LAMP1: variants seen among roughly 807,000 people sequenced by gnomAD.
LAMP1 encodes lysosome-associated membrane glycoprotein 1.
LAMP1 carries 7 observed loss-of-function variants against 37.5 expected under a neutral mutation model. The observed-to-expected ratio is 0.19, with a 90% CI of 0.11 to 0.35. LAMP1 has a LOEUF of 0.35. LAMP1 is among the 10% of genes least tolerant of loss of function. LAMP1 has a pLI of 1.00. For missense variants in LAMP1, 537 were observed against 552.8 expected (o/e 0.97, Z 0.29); for synonymous variants, 236 against 229.1 (o/e 1.03, Z -0.27).
At chr13:113,305,877 A>G (rs2042595691) in intron 1 of LAMP1, 1 of 152,408 alleles carries the variant, frequency 6.6e-6, no homozygotes, top group Non-Finnish European at 1.5e-5. Flanking sequence ...GCCTAGGATG[A>G]TGCAGAAATT....
intron 4 of LAMP1, among the ~76,000 whole-genome samples, chr13:113,311,674 A>ACCT (rs2042631721): frequency 6.6e-6 from 1 of 152,162 alleles, no homozygotes; most frequent in African/African-American, 2.4e-5. Flanking sequence ...GGTCCAGGCC[A>ACCT]CCTCCTAGCC....
rs1186733673 is a variant in LAMP1, at chr13:113,322,655, CA to C, written c.*237del. The C allele has an allele frequency of 5.6e-6, 1 of 178,096 alleles. No homozygotes were observed. The highest frequency in any genetic ancestry group is 2.5e-5 in the African/African-American group (1 of 39,508). 11.0% of individuals were successfully genotyped at this position (178,096 alleles called of 1,614,324 possible). A position where few individuals can be genotyped will look rare whatever the true frequency, so the allele number is the denominator to read the frequency against. ...TAACTGGTTAAACATTAATATTTAC[CA>C]AAGTAGGATTTTGAGGGTGGGGGTG... is the stretch of plus-strand genomic sequence containing the variant. On this transcript the variant is annotated 3_prime_UTR_variant, in exon 9 of 9. Coordinates refer to ENST00000332556, the MANE Select transcript of LAMP1 (RefSeq NM_005561.4).
chr13:113,320,678 C>A lies in LAMP1; in HGVS notation c.876+208C>A. ...GATGCAGCAGATGATGTGGGCGGGG[C>A]TGCTGTGCCCACAGTTGGAGTGGCT... On this transcript the variant is annotated intron_variant, in intron 6 of 8. Coordinates refer to ENST00000332556, the MANE Select transcript of LAMP1 (RefSeq NM_005561.4). The surrounding 1 kb of genome is among the most constrained non-coding windows in gnomAD (Gnocchi z 4.4). 1.7e-6 allele frequency: 1 copy of A among 577,730 alleles called. No homozygotes were observed. 35.8% of individuals were successfully genotyped at this position (577,730 alleles called of 1,614,324 possible). A position where few individuals can be genotyped will look rare whatever the true frequency, so the allele number is the denominator to read the frequency against.
At chr13:113,301,480 G>A (rs941516995) in intron 1 of LAMP1, among the ~76,000 whole-genome samples, 8 of 151,520 alleles carry the variant, frequency 5.3e-5, no homozygotes, top group African/African-American at 7.3e-5. Flanking sequence ...AAAATTAGTC[G>A]GGCATGGTGG....
intron 1 of LAMP1, among the ~76,000 whole-genome samples, chr13:113,303,215 C>T (rs774633115): frequency 3.9e-5 from 6 of 152,216 alleles, no homozygotes; most frequent in Non-Finnish European, 8.8e-5. Flanking sequence ...GGTTGCACAG[C>T]TAGTAAGTGC....
At position 113,322,367 on chromosome 13, in the gene LAMP1, C is replaced by G; in HGVS notation, c.1200C>G (p.Leu400=). Residue 400 remains leucine, a synonymous_variant, in exon 9 of 9, where the codon CTC becomes CTG. Transcript: ENST00000332556. ...GALAGLVLIV[L]IAYLVGRKRS... ...TGGCGGGGCTGGTCCTCATCGTCCT[C>G]ATCGCCTACCTCGTCGGCAGGAAGA... 1 of 1,613,804 alleles carries G rather than the reference C, an allele frequency of 6.2e-7. No individual in the cohort carries two copies. The highest frequency in any genetic ancestry group is 8.5e-7 in the Non-Finnish European group (1 of 1,179,864).
In LAMP1 at chr13:113,320,300, G is replaced by A. The variant is rs199690220; in HGVS notation, c.751-45G>A. On this transcript the variant is annotated intron_variant, in intron 5 of 8. Transcript: ENST00000332556. This position sits in a 1 kb window ranked among gnomAD's most constrained non-coding sequence, Gnocchi z 4.4. Reference sequence around the variant, plus strand: ...GACTGTTTGTCTTTTCGAGAGTGTGGAGGACCTGAGCTAGGGTGGTGACTT... The same window carrying A: ...GACTGTTTGTCTTTTCGAGAGTGTGAAGGACCTGAGCTAGGGTGGTGACTT... 403 of 1,611,656 alleles carry A rather than the reference G, an allele frequency of 2.5e-4. No individual in the cohort carries two copies. The highest frequency in any genetic ancestry group is 4.0e-4 in the Admixed American group (24 of 59,946).
At position 113,323,298 on chromosome 13, in the gene LAMP1, G is replaced by C. The variant is rs1231366640; in HGVS notation, c.*877G>C. 1 of 152,124 alleles carries C rather than the reference G, an allele frequency of 6.6e-6. No individual in the cohort carries two copies. Among genetic ancestry groups the C allele is most frequent in the Non-Finnish European group, 1.5e-5 (1 of 68,036 alleles). The allele number at this position is 152,124 out of a possible 1,614,324, so 9.4% of individuals were successfully genotyped here. A position where few individuals can be genotyped will look rare whatever the true frequency, so the allele number is the denominator to read the frequency against. ...TTCTGTTGACATTCGGGGTGATCCT[G>C]TTCTGCGCTGTGTACAATGTGAGAT... On this transcript the variant is annotated 3_prime_UTR_variant, in exon 9 of 9. Coordinates refer to ENST00000332556, the MANE Select transcript of LAMP1 (RefSeq NM_005561.4).
chr13:113,322,175 G>T, intron 8 of LAMP1, 107 bp from the exon 9 acceptor site: 1 of 1,285,830 alleles, frequency 7.8e-7, no homozygotes. Flanking sequence ...CCTTCCGCCA[G>T]GGTTCCTCTT....
chr13:113,300,413 G>T (rs531836343), intron 1 of LAMP1, among the ~76,000 whole-genome samples: 10 of 150,590 alleles, frequency 6.6e-5, no homozygotes, highest in Non-Finnish European at 1.2e-4. Context: ...TTGAACCTGG[G>T]AGGCAGGGGT....
At chr13:113,301,641 AAAAATATATATATATATATATAT>A (rs1365163575) in intron 1 of LAMP1, among the ~76,000 whole-genome samples, 1,145 of 30,414 alleles carry the variant, frequency 0.038, 103 homozygotes, top group Non-Finnish European at 0.053. Context: ...AAAAAAAAAA[AAAAATATATATATATATATATAT>A]ATATATATAT....
In LAMP1 at chr13:113,306,581, A is replaced by C. The variant is rs756753251; in HGVS notation, c.158A>C (p.Asn53Thr). 1 of 1,614,034 alleles carries C rather than the reference A, an allele frequency of 6.2e-7. No homozygotes were observed. Among genetic ancestry groups the C allele is most frequent in the South Asian group, 1.1e-5 (1 of 91,072 alleles). ...MANFSAAFSV[N>T]YDTKSGPKNM... ...AACTTCTCTGCTGCCTTCTCAGTGA[A>C]CTACGACACCAAGAGTGGCCCTAAG... Residue 53 changes from asparagine (N) to threonine (T), a missense_variant, in exon 2 of 9, where the codon AAC becomes ACC. Transcript: ENST00000332556.
intron 2 of LAMP1, among the ~76,000 whole-genome samples, chr13:113,307,795 TTAAAA>T (rs2042607821): frequency 8.6e-6 from 1 of 116,798 alleles, no homozygotes. Flanking sequence ...TATCTCTTTT[TTAAAA>T]AAAAAAAAAA....
chr13:113,302,987 G>C (rs1301813292), intron 1 of LAMP1, among the ~76,000 whole-genome samples: 1 of 152,228 alleles, frequency 6.6e-6, no homozygotes, highest in East Asian at 1.9e-4. Context: ...TGTTAAATGA[G>C]ATAGTTTTTG....
At chr13:113,319,366 C>G in intron 4 of LAMP1, 103 bp from the exon 5 acceptor site, 7 of 1,051,598 alleles carry the variant, frequency 6.7e-6, no homozygotes, top group Non-Finnish European at 9.6e-6. Context: ...ACCAAGGACG[C>G]CAGAGTCCAC....
chr13:113,304,963 T>A (rs1022319802), intron 1 of LAMP1: 1 of 152,242 alleles, frequency 6.6e-6, no homozygotes, highest in Non-Finnish European at 1.5e-5. Context: ...CGGCAGCACC[T>A]TTTCTTTATG....
Position 113,297,463 on chromosome 13 carries a change from C to T in LAMP1, c.29C>T (p.Pro10Leu), listed in dbSNP as rs1457367290. 8.2e-7 allele frequency: 1 copy of T among 1,213,466 alleles called. No individual in the cohort carries two copies. Among genetic ancestry groups the T allele is most frequent in the South Asian group, 3.2e-5 (1 of 31,028 alleles). 75.2% of individuals were successfully genotyped at this position (1,213,466 alleles called of 1,614,324 possible). ...GCGGCCCCCGGCAGCGCCCGGCGACCCCTGCTGCTGCTACTGCTGTTGCTG... is the reference window on the plus strand; with the variant it reads ...GCGGCCCCCGGCAGCGCCCGGCGACTCCTGCTGCTGCTACTGCTGTTGCTG... The part of the protein sequence containing the change: MAAPGSARR[P>L]LLLLLLLLLL... The change falls in exon 1 of 9, where the codon CCC becomes CTC. Residue 10 changes from proline (P) to leucine (L), a missense_variant. By Grantham distance (98) the Pro-to-Leu change is moderately conservative. Coordinates refer to ENST00000332556, the MANE Select transcript of LAMP1 (RefSeq NM_005561.4). The surrounding 1 kb of genome is among the most constrained non-coding windows in gnomAD (Gnocchi z 4.4).
In LAMP1 at chr13:113,312,437, C is replaced by T. The variant is rs76851658; in HGVS notation, c.562+1570C>T. ...GCTGTGTTGTCTTGACAGAGAGCCACGGCCCACAAAGTCTGAAATATTTAC... is the reference window on the plus strand; with the variant it reads ...GCTGTGTTGTCTTGACAGAGAGCCATGGCCCACAAAGTCTGAAATATTTAC... On this transcript the variant is annotated intron_variant, in intron 4 of 8. Coordinates refer to ENST00000332556, the MANE Select transcript of LAMP1 (RefSeq NM_005561.4). Among the ~76,000 whole-genome samples, 8 of 152,340 alleles carry T rather than the reference C, an allele frequency of 5.3e-5. No homozygotes were observed. The East Asian group carries it at 1.5e-3, about 29-fold the overall frequency.
At chr13:113,301,360 C>T (rs967856405) in intron 1 of LAMP1, among the ~76,000 whole-genome samples, 2 of 151,902 alleles carry the variant, frequency 1.3e-5, no homozygotes, top group East Asian at 1.9e-4. Context: ...GTGGCTGTCA[C>T]GTGTAATCCT....
Sources: gnomAD v4.1 joint callset for allele counts (sites outside exome capture counted in the v4.1 genomes callset) on GRCh38, gnomAD v4.1.1 for gene constraint, Gnocchi (gnomAD v3.1) non-coding constraint, MANE v1.5 for transcripts, NCBI Gene and HGNC (gene_info 2026-07-23, HGNC 2026-07-21) for gene names.